Variants in DCC observed in about 807,000 individuals in gnomAD.
DCC encodes netrin receptor DCC.
DCC carries 58 observed loss-of-function variants against 172.5 expected under a neutral mutation model. That is an observed-to-expected ratio of 0.34 (90% CI 0.27 to 0.42). The LOEUF is 0.42. DCC is among the 10% of genes least tolerant of loss of function. DCC has a pLI of 1.00. For missense variants in DCC, 1,740 were observed against 1,791.0 expected, an observed-to-expected ratio of 0.97 and a Z score of 0.51; for synonymous variants, 709 against 644.5, an observed-to-expected ratio of 1.10 and a Z score of -1.52.
At chr18:52,674,090 A>G (rs757587394) in intron 1 of DCC, among the ~76,000 whole-genome samples, 10 of 152,170 alleles carry the variant, frequency 6.6e-5, no homozygotes, top group Non-Finnish European at 1.3e-4. Flanking sequence ...TGACCAAAGG[A>G]AGTCATGAAT....
intron 15 of DCC, among the ~76,000 whole-genome samples, chr18:53,369,293 A>T (rs2058036294): frequency 6.6e-6 from 1 of 151,762 alleles, no homozygotes; most frequent in South Asian, 2.1e-4. Flanking sequence ...AAATTCGTGT[A>T]TTTGCTCTAA....
At chr18:52,408,943 A>G (rs1352105979) in intron 1 of DCC, 4 of 152,092 alleles carry the variant, frequency 2.6e-5, no homozygotes, top group Non-Finnish European at 4.4e-5. Flanking sequence ...GGCTCATGTC[A>G]TCCTTATGAG....
chr18:53,467,119 G>A lies in DCC; in HGVS notation c.3620-775G>A, dbSNP rs1394868460. On this transcript the variant is annotated intron_variant, in intron 24 of 28. Coordinates refer to ENST00000442544, the MANE Select transcript of DCC (RefSeq NM_005215.4). ...ATCCCTTTCGCAAAAGGAAAACAAT[G>A]TTAAAAATTTTGTGTATAACCTTAT... 3.3e-5 allele frequency among the ~76,000 whole-genome samples: 5 copies of A among 152,120 alleles called. No homozygotes were observed. The East Asian group carries it at 7.7e-4, about 23-fold the overall frequency.
chr18:53,499,224 G>A (rs774378393), intron 26 of DCC, 74 bp from the exon 27 acceptor site: 21 of 1,435,478 alleles, frequency 1.5e-5, no homozygotes, highest in South Asian at 3.4e-5. Flanking sequence ...ATGGATGCAG[G>A]GACTGTTCCA....
chr18:52,417,209 C>A (rs1406081511), intron 1 of DCC, among the ~76,000 whole-genome samples: 1 of 152,190 alleles, frequency 6.6e-6, no homozygotes, highest in African/African-American at 2.4e-5. Context: ...CCCCCACTCT[C>A]TTCTGGCTTG....
At chr18:53,201,534 T>C (rs961368945) in intron 9 of DCC, among the ~76,000 whole-genome samples, 1 of 152,214 alleles carries the variant, frequency 6.6e-6, no homozygotes, top group Non-Finnish European at 1.5e-5. Flanking sequence ...TCTTGAAATA[T>C]GTGCGTTGTC....
intron 1 of DCC, among the ~76,000 whole-genome samples, chr18:52,637,998 T>C (rs1268182103): frequency 6.6e-6 from 1 of 152,180 alleles, no homozygotes; most frequent in Non-Finnish European, 1.5e-5. Context: ...CTGGAAGGGA[T>C]TGGGGCCCTA....
chr18:52,848,026 T>G (rs1197379733), intron 2 of DCC, among the ~76,000 whole-genome samples: 2 of 152,130 alleles, frequency 1.3e-5, no homozygotes, highest in Admixed American at 6.5e-5. Context: ...GAAGGTAGCT[T>G]TTATTCTGTA....
chr18:52,747,487 A>C (rs1207418475), intron 1 of DCC, among the ~76,000 whole-genome samples: 1 of 152,238 alleles, frequency 6.6e-6, no homozygotes, highest in Non-Finnish European at 1.5e-5. Flanking sequence ...TTTGATTCTC[A>C]AAATGAGTTC....
intron 1 of DCC, among the ~76,000 whole-genome samples, chr18:52,496,649 T>G (rs2030763785): frequency 6.6e-6 from 1 of 152,078 alleles, no homozygotes; most frequent in Admixed American, 6.6e-5. Context: ...TTTGATGACA[T>G]CTGTTAAGGA....
At chr18:52,951,180 T>A (rs1329398432) in intron 5 of DCC, among the ~76,000 whole-genome samples, 1 of 151,752 alleles carries the variant, frequency 6.6e-6, no homozygotes, top group Non-Finnish European at 1.5e-5. Flanking sequence ...TGGGCAGGAG[T>A]GGCACTGACA....
At chr18:52,476,146 C>G (rs1221222079) in intron 1 of DCC, among the ~76,000 whole-genome samples, 1 of 152,168 alleles carries the variant, frequency 6.6e-6, no homozygotes, top group Non-Finnish European at 1.5e-5. Context: ...AATCTGTCCT[C>G]CATGAGTTTC....
At chr18:53,103,402 T>A (rs1221600572) in intron 7 of DCC, among the ~76,000 whole-genome samples, 2 of 152,020 alleles carry the variant, frequency 1.3e-5, no homozygotes, top group Non-Finnish European at 2.9e-5. Flanking sequence ...GTTTTATTTT[T>A]TTCTTGAAGC....
At chr18:52,390,725 C>A (rs566742738) in intron 1 of DCC, among the ~76,000 whole-genome samples, 1 of 152,024 alleles carries the variant, frequency 6.6e-6, no homozygotes, top group Non-Finnish European at 1.5e-5. Context: ...GAGTCCTGGG[C>A]AACAGTTTTG....
intron 5 of DCC, among the ~76,000 whole-genome samples, chr18:53,042,041 G>T (rs963484300): frequency 2.0e-5 from 3 of 151,962 alleles, no homozygotes; most frequent in Non-Finnish European, 2.9e-5. Context: ...CCAATACTGT[G>T]TTGAACGGGA....
intron 5 of DCC, among the ~76,000 whole-genome samples, chr18:52,933,472 G>C (rs2040337720): frequency 6.6e-6 from 1 of 151,880 alleles, no homozygotes; most frequent in Non-Finnish European, 1.5e-5. Context: ...GTATCTGACA[G>C]GAGGTAGTAA....
intron 9 of DCC, among the ~76,000 whole-genome samples, chr18:53,185,656 T>G (rs925766071): frequency 5.3e-5 from 8 of 152,178 alleles, no homozygotes; most frequent in African/African-American, 1.9e-4. Flanking sequence ...TTTCCATTAT[T>G]TCAGAAAGTT....
chr18:52,836,865 G>A (rs1204766506), intron 2 of DCC, among the ~76,000 whole-genome samples: 3 of 152,188 alleles, frequency 2.0e-5, no homozygotes, highest in African/African-American at 7.2e-5. Context: ...CTTCTATACT[G>A]CCCTAGCAGA....
At chr18:52,657,039 G>T (rs2035268706) in intron 1 of DCC, among the ~76,000 whole-genome samples, 1 of 152,142 alleles carries the variant, frequency 6.6e-6, no homozygotes, top group Non-Finnish European at 1.5e-5. Context: ...TAACATTAGA[G>T]TTTATTATTT....
Sources: gnomAD v4.1 joint callset for allele counts (sites outside exome capture counted in the v4.1 genomes callset) on GRCh38, gnomAD v4.1.1 for gene constraint, MANE v1.5 for transcripts, NCBI Gene and HGNC (gene_info 2026-07-23, HGNC 2026-07-21) for gene names.